ADCY8: variants seen among roughly 807,000 people sequenced by gnomAD.
ADCY8 encodes adenylate cyclase type 8.
Under a neutral mutation model 119.7 loss-of-function variants are expected in ADCY8, and 51 were observed. The observed-to-expected ratio is 0.43, with a 90% CI of 0.34 to 0.54. ADCY8 has a LOEUF of 0.54. Among genes scored for constraint, ADCY8 ranks in the 20% least tolerant of loss-of-function variants. ADCY8 has a pLI of 0.03. For missense variants in ADCY8, 1,383 were observed against 1,598.8 expected (o/e 0.87, Z 2.30); for synonymous variants, 665 against 651.0 (o/e 1.02, Z -0.33).
chr8:130,809,285 C>G (rs572625912), intron 14 of ADCY8, among the ~76,000 whole-genome samples: 1 of 152,286 alleles, frequency 6.6e-6, no homozygotes, highest in East Asian at 1.9e-4. Flanking sequence ...GCTTTGTGAC[C>G]ATGGGTAAAT....
At chr8:130,815,131 A>G (rs1322526985) in intron 13 of ADCY8, among the ~76,000 whole-genome samples, 1 of 152,146 alleles carries the variant, frequency 6.6e-6, no homozygotes, top group Non-Finnish European at 1.5e-5. Flanking sequence ...ACACACTAAA[A>G]AAAGGCCAGG....
At chr8:130,937,433 C>G (rs1332985411) in intron 4 of ADCY8, among the ~76,000 whole-genome samples, 7 of 152,146 alleles carry the variant, frequency 4.6e-5, no homozygotes, top group Non-Finnish European at 8.8e-5. Flanking sequence ...GTTTTGAGCT[C>G]AAAAGCTACA....
In ADCY8 at chr8:130,871,115, C is replaced by T. The variant is rs138472617; in HGVS notation, c.2110-3169G>A. Among the ~76,000 whole-genome samples, 233 of 152,216 alleles carry T rather than the reference C, an allele frequency of 1.5e-3. 6 individuals are homozygous for T. In the East Asian group the frequency reaches 0.038, roughly 25 times the overall value. ...TGGAAATGCAAGGAGAGCAGGACTT[C>T]GAAAAGAAAATTCCTAATTGGCTCA... is the stretch of plus-strand genomic sequence containing the variant. On this transcript the variant is annotated intron_variant, in intron 8 of 17. Coordinates refer to ENST00000286355, the MANE Select transcript of ADCY8 (RefSeq NM_001115.3).
At chr8:130,823,288 A>C (rs1816575163) in intron 12 of ADCY8, among the ~76,000 whole-genome samples, 1 of 152,192 alleles carries the variant, frequency 6.6e-6, no homozygotes, top group Non-Finnish European at 1.5e-5. Context: ...AGATGGAAAA[A>C]ACAGCCTGAG....
chr8:131,006,035 TTCTC>T (rs1174781587), intron 1 of ADCY8, among the ~76,000 whole-genome samples: 7 of 151,448 alleles, frequency 4.6e-5, no homozygotes, highest in Non-Finnish European at 7.4e-5. Context: ...CTCTCTCTCT[TTCTC>T]TCTCTCTGTC....
At chr8:130,896,522 G>A (rs889281856) in intron 7 of ADCY8, among the ~76,000 whole-genome samples, 1 of 152,038 alleles carries the variant, frequency 6.6e-6, no homozygotes, top group East Asian at 1.9e-4. Flanking sequence ...TCAAATCCCA[G>A]GGAACAATAT....
chr8:130,904,948 G>A (rs547849165), intron 6 of ADCY8, among the ~76,000 whole-genome samples: 1 of 152,252 alleles, frequency 6.6e-6, no homozygotes, highest in South Asian at 2.1e-4. Flanking sequence ...TACAAACATG[G>A]ACTTCATTGC....
chr8:130,898,540 G>A (rs1819485995), intron 7 of ADCY8, among the ~76,000 whole-genome samples: 1 of 152,150 alleles, frequency 6.6e-6, no homozygotes, highest in Non-Finnish European at 1.5e-5. Context: ...TACCAGTTGT[G>A]TACTTTTCTC....
intron 5 of ADCY8, among the ~76,000 whole-genome samples, chr8:130,916,664 G>A (rs72714457): frequency 2.0e-5 from 3 of 152,248 alleles, no homozygotes; most frequent in South Asian, 2.1e-4. Flanking sequence ...CACCCAGGGC[G>A]GAAACCGCTT....
intron 2 of ADCY8, among the ~76,000 whole-genome samples, chr8:130,966,813 G>A (rs1347964918): frequency 6.6e-6 from 1 of 152,118 alleles, no homozygotes; most frequent in Non-Finnish European, 1.5e-5. Flanking sequence ...GTTGGTGTGG[G>A]ATTAAATCAG....
chr8:130,969,353 C>G (rs1197545853), intron 2 of ADCY8, among the ~76,000 whole-genome samples: 2 of 152,248 alleles, frequency 1.3e-5, no homozygotes, highest in Admixed American at 6.5e-5. Flanking sequence ...ATTGCAGATT[C>G]TGGACATGCT....
chr8:130,909,396 A>G (rs775514263), intron 6 of ADCY8, among the ~76,000 whole-genome samples: 1 of 152,224 alleles, frequency 6.6e-6, no homozygotes, highest in Admixed American at 6.5e-5. Flanking sequence ...CTTTAAATAA[A>G]CTGGCATGGG....
intron 2 of ADCY8, among the ~76,000 whole-genome samples, chr8:130,968,477 TCTG>T (rs1442873771): frequency 6.6e-6 from 1 of 152,156 alleles, no homozygotes; most frequent in East Asian, 1.9e-4. Flanking sequence ...GGCCAGTTAT[TCTG>T]CTTTTTATCA....
intron 5 of ADCY8, among the ~76,000 whole-genome samples, chr8:130,916,118 C>A (rs1449355162): frequency 6.6e-6 from 1 of 152,184 alleles, no homozygotes; most frequent in Non-Finnish European, 1.5e-5. Flanking sequence ...TTACGTCACA[C>A]AGTTATTGAT....
intron 9 of ADCY8, among the ~76,000 whole-genome samples, chr8:130,855,445 C>T (rs2130344512): frequency 6.6e-6 from 1 of 152,206 alleles, no homozygotes; most frequent in African/African-American, 2.4e-5. Flanking sequence ...GGGGTGTGGG[C>T]TGTATTTCAG....
intron 12 of ADCY8, among the ~76,000 whole-genome samples, chr8:130,835,130 A>T (rs1294130679): frequency 2.0e-5 from 3 of 152,126 alleles, no homozygotes; most frequent in African/African-American, 7.2e-5. Flanking sequence ...TTGGCCACTT[A>T]TTCTGGCCTC....
At chr8:130,868,039 T>C (rs1818189449) in intron 8 of ADCY8, 93 bp from the exon 9 acceptor site, 1 of 769,124 alleles carries the variant, frequency 1.3e-6, no homozygotes, top group East Asian at 2.8e-5. Flanking sequence ...GGCAATTAGA[T>C]TTTTTTTAAA....
chr8:130,998,386 T>C (rs1028388463), intron 1 of ADCY8, among the ~76,000 whole-genome samples: 1 of 152,148 alleles, frequency 6.6e-6, no homozygotes, highest in African/African-American at 2.4e-5. Flanking sequence ...TCCAAGGTTC[T>C]GAGGCAGGAG....
chr8:130,942,293 A>G (rs541844675), intron 4 of ADCY8, among the ~76,000 whole-genome samples: 2 of 152,162 alleles, frequency 1.3e-5, no homozygotes, highest in South Asian at 4.1e-4. Flanking sequence ...TATTTATATC[A>G]TTTTTAAGAC....
Sources: allele counts gnomAD v4.1 joint callset (sites outside exome capture counted in the v4.1 genomes callset), GRCh38; gene constraint gnomAD v4.1.1; transcripts MANE v1.5; gene names NCBI Gene and HGNC (gene_info 2026-07-23, HGNC 2026-07-21).